The following PABPC4L variants were observed in gnomAD, a reference collection of about 807,000 sequenced individuals.
PABPC4L encodes poly(A) binding protein cytoplasmic 4 like.
For missense variants in PABPC4L, 452 were observed against 451.4 expected (o/e 1.00, Z -0.01); for synonymous variants, 169 against 164.1 (o/e 1.03, Z -0.23).
At chr4:134,055,535 C>T in the PABPC4L span, among the ~76,000 whole-genome samples, 43 of 151,750 alleles carry the variant, frequency 2.8e-4, no homozygotes, top group South Asian at 1.9e-3. Flanking sequence ...TTTTTTCTAT[C>T]GTTTAAGCCA....
chr4:134,168,281 T>A, the PABPC4L span, among the ~76,000 whole-genome samples: 2 of 151,930 alleles, frequency 1.3e-5, no homozygotes, highest in South Asian at 2.1e-4. Context: ...AAAGCAGTAA[T>A]AAAAGGAATG....
chr4:133,995,442 C>T, the PABPC4L span, among the ~76,000 whole-genome samples: 2 of 152,238 alleles, frequency 1.3e-5, no homozygotes, highest in South Asian at 2.1e-4. Context: ...TGATTGCCTG[C>T]ATTGCTTGCT....
the PABPC4L span, among the ~76,000 whole-genome samples, chr4:133,957,915 G>A: frequency 6.6e-6 from 1 of 152,192 alleles, no homozygotes; most frequent in Non-Finnish European, 1.5e-5. Flanking sequence ...CGCAGAGCAG[G>A]GGGCCCTGTG....
chr4:134,004,226 A>C, the PABPC4L span, among the ~76,000 whole-genome samples: 1 of 151,872 alleles, frequency 6.6e-6, no homozygotes, highest in Non-Finnish European at 1.5e-5. Flanking sequence ...GGCAGAAAAT[A>C]TTTGTAAACC....
chr4:133,981,359 C>A, the PABPC4L span, among the ~76,000 whole-genome samples: 1 of 151,994 alleles, frequency 6.6e-6, no homozygotes, highest in Non-Finnish European at 1.5e-5. Flanking sequence ...TACATTTATA[C>A]CATTTATATC....
chr4:134,132,502 C>A, the PABPC4L span, among the ~76,000 whole-genome samples: 1 of 151,650 alleles, frequency 6.6e-6, no homozygotes, highest in Non-Finnish European at 1.5e-5. Context: ...GCACCCAAAA[C>A]CATAATGCAA....
the PABPC4L span, among the ~76,000 whole-genome samples, chr4:133,949,900 A>G: frequency 6.6e-6 from 1 of 152,258 alleles, no homozygotes; most frequent in Admixed American, 6.5e-5. Context: ...CTGCCTAAAT[A>G]CGGGAGTCCA....
the PABPC4L span, among the ~76,000 whole-genome samples, chr4:134,099,833 G>A: frequency 6.6e-6 from 1 of 151,696 alleles, no homozygotes; most frequent in Non-Finnish European, 1.5e-5. Flanking sequence ...GTTCTGGGTT[G>A]CTGCCATTCA....
chr4:133,974,113 T>TA, the PABPC4L span, among the ~76,000 whole-genome samples: 1 of 152,148 alleles, frequency 6.6e-6, no homozygotes, highest in Non-Finnish European at 1.5e-5. Flanking sequence ...CAAAAGTTGC[T>TA]ACAAATTGCA....
chr4:134,171,109 T>A, the PABPC4L span, among the ~76,000 whole-genome samples: 1 of 152,122 alleles, frequency 6.6e-6, no homozygotes, highest in Non-Finnish European at 1.5e-5. Context: ...TGAGCATTTT[T>A]TCATATGTTT....
the PABPC4L span, among the ~76,000 whole-genome samples, chr4:134,072,251 A>T: frequency 2.6e-5 from 4 of 152,132 alleles, no homozygotes; most frequent in Non-Finnish European, 5.9e-5. Flanking sequence ...CTCCATAAAG[A>T]TGTGATTCTC....
chr4:134,092,118 G>C, the PABPC4L span, among the ~76,000 whole-genome samples: 1 of 151,792 alleles, frequency 6.6e-6, no homozygotes, highest in African/African-American at 2.4e-5. Flanking sequence ...GGTAGAGGGG[G>C]GTGGTTCCCT....
At chr4:133,998,375 C>A in the PABPC4L span, among the ~76,000 whole-genome samples, 372 of 151,678 alleles carry the variant, frequency 2.5e-3, 3 homozygotes, top group African/African-American at 8.7e-3. Context: ...GCAATGTTAT[C>A]TCTATAATAC....
the PABPC4L span, among the ~76,000 whole-genome samples, chr4:134,114,012 G>A: frequency 1.3e-5 from 2 of 151,776 alleles, no homozygotes; most frequent in African/African-American, 2.4e-5. Context: ...AAATTCAGCG[G>A]AACACTTTGG....
At chr4:134,094,624 A>G in the PABPC4L span, among the ~76,000 whole-genome samples, 1 of 151,900 alleles carries the variant, frequency 6.6e-6, no homozygotes, top group African/African-American at 2.4e-5. Context: ...GCTTGTAATA[A>G]CAGATTTTTC....
At chr4:134,081,885 C>A in the PABPC4L span, among the ~76,000 whole-genome samples, 3 of 152,072 alleles carry the variant, frequency 2.0e-5, no homozygotes, top group Admixed American at 6.6e-5. Flanking sequence ...TGCTTCTATT[C>A]ATCATCGGAA....
chr4:134,104,681 C>T, the PABPC4L span, among the ~76,000 whole-genome samples: 2 of 151,612 alleles, frequency 1.3e-5, no homozygotes, highest in East Asian at 1.9e-4. Context: ...AATATTTTCA[C>T]GTCCCTTTAG....
the PABPC4L span, among the ~76,000 whole-genome samples, chr4:133,997,629 T>C: frequency 6.6e-6 from 1 of 152,110 alleles, no homozygotes; most frequent in Non-Finnish European, 1.5e-5. Flanking sequence ...GTGTGACTCA[T>C]GGGAGGAGAT....
the PABPC4L span, among the ~76,000 whole-genome samples, chr4:134,027,164 T>G: frequency 6.6e-6 from 1 of 152,194 alleles, no homozygotes; most frequent in African/African-American, 2.4e-5. Flanking sequence ...CTGAGTAGAT[T>G]ATAAGCACCC....
Sources: gnomAD v4.1 joint callset for allele counts (sites outside exome capture counted in the v4.1 genomes callset) on GRCh38, gnomAD v4.1.1 for gene constraint, MANE v1.5 for transcripts, NCBI Gene and HGNC (gene_info 2026-07-23, HGNC 2026-07-21) for gene names.